LZTFL1: variants seen among roughly 807,000 people sequenced by gnomAD.
LZTFL1 encodes leucine zipper transcription factor like 1, also known as leucine zipper transcription factor-like protein 1.
A neutral mutation model predicts 45.9 loss-of-function variants in LZTFL1; 25 were observed. That is an observed-to-expected ratio of 0.54 (90% CI 0.40 to 0.76). The LOEUF (loss-of-function observed/expected upper bound fraction) is 0.76, where lower values mean the gene tolerates loss of function less well. Among genes scored for constraint, LZTFL1 ranks in the 30% least tolerant of loss-of-function variants. The pLI is 0.00. For missense variants in LZTFL1, 277 were observed against 331.1 expected (o/e 0.84, Z 1.27); for synonymous variants, 93 against 117.4 (o/e 0.79, Z 1.35).
intron 2 of LZTFL1, among the ~76,000 whole-genome samples, chr3:45,878,147 C>T (rs1701785455): frequency 6.6e-6 from 1 of 152,096 alleles, no homozygotes; most frequent in Non-Finnish European, 1.5e-5. Context: ...TAGTATTTTC[C>T]TCACCTCACC....
Position 45,823,455 on chromosome 3 carries a change from T to TAACA in LZTFL1, c.*2855_*2858dup, listed in dbSNP as rs1459127455. The TAACA allele has an allele frequency of 6.6e-6, 1 of 152,188 alleles. No individual in the cohort carries two copies. Among genetic ancestry groups the TAACA allele is most frequent in the Non-Finnish European group, 1.5e-5 (1 of 68,044 alleles). The allele number at this position is 152,188 out of a possible 1,614,324, so 9.4% of individuals were successfully genotyped here. ...TCAATTCATGTTTTACAATAGGCAA[T>TAACA]AACAGCTACACGCTTACTTGATGAA... is the stretch of plus-strand genomic sequence containing the variant. On this transcript the variant is annotated 3_prime_UTR_variant, in exon 10 of 10. Transcript: ENST00000296135.
intron 2 of LZTFL1, among the ~76,000 whole-genome samples, chr3:45,879,880 T>C (rs1701820534): frequency 6.6e-6 from 1 of 152,208 alleles, no homozygotes; most frequent in Non-Finnish European, 1.5e-5. Flanking sequence ...AAAATATGTA[T>C]TTAAAAAAAC....
intron 2 of LZTFL1, among the ~76,000 whole-genome samples, chr3:45,906,124 C>T (rs567948562): frequency 2.0e-5 from 3 of 152,276 alleles, no homozygotes; most frequent in South Asian, 2.1e-4. Flanking sequence ...TCCAAGAGCC[C>T]ACCTAAGGCT....
At chr3:45,881,949 A>G (rs1701868435) in intron 2 of LZTFL1, among the ~76,000 whole-genome samples, 1 of 152,274 alleles carries the variant, frequency 6.6e-6, no homozygotes, top group African/African-American at 2.4e-5. Context: ...TTGGCTGTTT[A>G]CATTTCCATT....
intron 2 of LZTFL1, among the ~76,000 whole-genome samples, chr3:45,888,239 T>C (rs79950593): frequency 5.2e-3 from 790 of 152,342 alleles, no homozygotes; most frequent in Non-Finnish European, 8.5e-3. Context: ...AGTGCATATG[T>C]TTTCCCACCC....
rs1410879519 is a variant in LZTFL1 at position 45,900,801 on chromosome 3, C to G, written c.-215+12319G>C. 1 of 1,602,542 alleles carries G rather than the reference C, an allele frequency of 6.2e-7. No individual in the cohort carries two copies. The highest frequency in any genetic ancestry group is 1.7e-4 in the Middle Eastern group (1 of 6,014). On this transcript the variant is annotated intron_variant, in intron 2 of 4. Transcript: ENST00000472635. This position sits in a 1 kb window ranked among gnomAD's most constrained non-coding sequence, Gnocchi z 4.7. ...CCTTGACCTAATGCCATCTTGTGTC[C>G]CCTTGCAGAGCCCTATTCCTAACAT...
intron 5 of LZTFL1, among the ~76,000 whole-genome samples, chr3:45,831,665 C>T (rs1350439661): frequency 6.6e-6 from 1 of 152,198 alleles, no homozygotes; most frequent in Non-Finnish European, 1.5e-5. Context: ...AGTCAGAGGG[C>T]ACTGCACTCT....
rs1702574763 is a variant in LZTFL1 at position 45,901,954 on chromosome 3, G to A, written c.-215+11166C>T. The A allele has an allele frequency of 7.1e-7, 1 of 1,412,300 alleles. No individual in the cohort carries two copies. Among genetic ancestry groups the A allele is most frequent in the East Asian group, 2.3e-5 (1 of 43,504 alleles). 87.5% of individuals were successfully genotyped at this position (1,412,300 alleles called of 1,614,324 possible). A position where few individuals can be genotyped will look rare whatever the true frequency, so the allele number is the denominator to read the frequency against. On this transcript the variant is annotated intron_variant, in intron 2 of 4. Coordinates refer to the LZTFL1 transcript ENST00000472635. The surrounding 1 kb of genome is among the most constrained non-coding windows in gnomAD (Gnocchi z 4.3). ...GGAAGAAATGAGAAATACAGAAACA[G>A]TTTCCCCACTGATGGGACCAGAGAG... is the stretch of plus-strand genomic sequence containing the variant.
At position 45,831,121 on chromosome 3, in the gene LZTFL1, T is replaced by C. The variant is rs1387451632; in HGVS notation, c.474A>G (p.Gln158=). ...TTGACTTCAATTTCTCATTCTCTTC[T>C]TGAAGTCTTAAAATTTCCTTTGTGA... ...ELLNKEILRL[Q]EENEKLKSRL... Residue 158 remains glutamine, a synonymous_variant, in exon 6 of 10, where the codon CAA becomes CAG. Transcript: ENST00000296135. 3.8e-6 allele frequency: 6 copies of C among 1,588,320 alleles called. No individual in the cohort carries two copies. Among genetic ancestry groups the C allele is most frequent in the Middle Eastern group, 1.7e-4 (1 of 5,932 alleles).
chr3:45,827,482 C>T, intron 8 of LZTFL1, 23 bp from the exon 9 acceptor site: 1 of 1,427,184 alleles, frequency 7.0e-7, no homozygotes, highest in Non-Finnish European at 9.9e-7. Context: ...AAATGTCAGC[C>T]CATTACTAAA....
chr3:45,876,067 T>C, intron 2 of LZTFL1, among the ~76,000 whole-genome samples: 1 of 152,224 alleles, frequency 6.6e-6, no homozygotes, highest in South Asian at 2.1e-4. Context: ...TATTACGGGA[T>C]TTGAATAAGA....
chr3:45,897,975 C>CAAAAA (rs72284250), intron 2 of LZTFL1, among the ~76,000 whole-genome samples: 18 of 105,966 alleles, frequency 1.7e-4, no homozygotes, highest in Non-Finnish European at 2.6e-4. Context: ...GCTATTTGAC[C>CAAAAA]AAAAAAAAAA....
At chr3:45,892,202 GTCTA>G (rs899144863) in intron 2 of LZTFL1, among the ~76,000 whole-genome samples, 50 of 152,202 alleles carry the variant, frequency 3.3e-4, no homozygotes, top group East Asian at 9.7e-4. Context: ...TATACAAATT[GTCTA>G]TCTATCTATC....
intron 2 of LZTFL1, among the ~76,000 whole-genome samples, chr3:45,882,893 G>A (rs1202977763): frequency 6.6e-6 from 1 of 151,578 alleles, no homozygotes; most frequent in Non-Finnish European, 1.5e-5. Context: ...GATTCCTCTA[G>A]TGGGAAAATA....
intron 2 of LZTFL1, chr3:45,894,916 G>A (rs1171346330): frequency 6.2e-7 from 1 of 1,613,852 alleles, no homozygotes. Context: ...GAGCAGGCTT[G>A]CATCTGACTG....
intron 2 of LZTFL1, among the ~76,000 whole-genome samples, chr3:45,907,162 A>G (rs561360992): frequency 6.6e-6 from 1 of 152,220 alleles, no homozygotes; most frequent in South Asian, 2.1e-4. Flanking sequence ...GGCCAGGCTT[A>G]GGCCCCAGTC....
chr3:45,909,887 T>C (rs1364831409), intron 2 of LZTFL1, among the ~76,000 whole-genome samples: 5 of 152,186 alleles, frequency 3.3e-5, no homozygotes, highest in African/African-American at 1.2e-4. Context: ...ACAGGAAAAC[T>C]GATGTTGCCT....
chr3:45,859,525 C>A (rs1271055138), intron 2 of LZTFL1, among the ~76,000 whole-genome samples: 1 of 152,134 alleles, frequency 6.6e-6, no homozygotes, highest in East Asian at 1.9e-4. Flanking sequence ...CTGAATGTGG[C>A]CTATGCTGGT....
At chr3:45,895,935 G>A (rs1467464373) in intron 2 of LZTFL1, among the ~76,000 whole-genome samples, 8 of 152,272 alleles carry the variant, frequency 5.3e-5, no homozygotes, top group African/African-American at 1.9e-4. Flanking sequence ...CCTAGCAGGC[G>A]GGCTAACAAA....
Sources: allele counts gnomAD v4.1 joint callset (sites outside exome capture counted in the v4.1 genomes callset), GRCh38; gene constraint gnomAD v4.1.1; non-coding constraint Gnocchi (gnomAD v3.1); transcripts MANE v1.5; gene names NCBI Gene and HGNC (gene_info 2026-07-23, HGNC 2026-07-21).